The following PPP3CC variants were observed in gnomAD, a reference collection of about 807,000 sequenced individuals.
PPP3CC encodes protein phosphatase 3 catalytic subunit gamma, also known as serine/threonine-protein phosphatase 2B catalytic subunit gamma isoform.
A neutral mutation model predicts 60.3 loss-of-function variants in PPP3CC; 35 were observed. The observed-to-expected ratio is 0.58, with a 90% confidence interval of 0.44 to 0.77. The LOEUF is 0.77. Among genes scored for constraint, PPP3CC ranks in the 30% least tolerant of loss-of-function variants. PPP3CC has a pLI of 0.00. For synonymous variants in PPP3CC, 206 were observed against 224.3 expected (o/e 0.92, Z 0.73); for missense variants, 570 against 628.9 (o/e 0.91, Z 1.00).
intron 1 of PPP3CC, among the ~76,000 whole-genome samples, chr8:22,454,754 C>G (rs889975324): frequency 6.6e-6 from 1 of 152,064 alleles, no homozygotes; most frequent in African/African-American, 2.4e-5. Context: ...TGACTGTTTT[C>G]TAACTTTAGT....
At chr8:22,532,374 A>AACAGTTTT (rs1839739707) in intron 11 of PPP3CC, 68 bp downstream of exon 11, 1 of 1,364,256 alleles carries the variant, frequency 7.3e-7, no homozygotes, top group African/African-American at 1.4e-5. Context: ...TCGAATTCAG[A>AACAGTTTT]ACAGTTTTTT....
intron 1 of PPP3CC, among the ~76,000 whole-genome samples, chr8:22,469,178 CACTT>C (rs566194387): frequency 8.7e-4 from 132 of 152,234 alleles, no homozygotes; most frequent in South Asian, 5.6e-3. Context: ...AAAATAATGT[CACTT>C]ACAGCAACAT....
intron 1 of PPP3CC, among the ~76,000 whole-genome samples, chr8:22,450,695 TA>T (rs1836987030): frequency 6.6e-6 from 1 of 152,258 alleles, no homozygotes; most frequent in South Asian, 2.1e-4. Flanking sequence ...GCCTGTGGGA[TA>T]AACTCTTTGT....
intron 4 of PPP3CC, among the ~76,000 whole-genome samples, chr8:22,504,329 T>G (rs1401567899): frequency 6.6e-6 from 1 of 152,124 alleles, no homozygotes; most frequent in African/African-American, 2.4e-5. Flanking sequence ...AGAGACAGGG[T>G]CTCATTCTGT....
intron 3 of PPP3CC, among the ~76,000 whole-genome samples, chr8:22,494,733 A>G (rs1398695574): frequency 6.6e-6 from 1 of 151,752 alleles, no homozygotes; most frequent in Non-Finnish European, 1.5e-5. Context: ...ATAAGGCCAC[A>G]CTCTCCCTTC....
chr8:22,528,385 A>T (rs1839615517), intron 9 of PPP3CC, 121 bp from the exon 10 acceptor site: 3 of 494,984 alleles, frequency 6.1e-6, no homozygotes, highest in Admixed American at 4.1e-5. Flanking sequence ...TCTTACTAAC[A>T]TAATGATAAA....
intron 1 of PPP3CC, among the ~76,000 whole-genome samples, chr8:22,473,645 G>T (rs1417103088): frequency 1.3e-5 from 2 of 151,844 alleles, no homozygotes; most frequent in African/African-American, 4.8e-5. Flanking sequence ...TGTATTTTTA[G>T]TAAAGACAGG....
intron 1 of PPP3CC, among the ~76,000 whole-genome samples, chr8:22,460,160 T>G (rs908288030): frequency 6.6e-6 from 1 of 152,124 alleles, no homozygotes; most frequent in African/African-American, 2.4e-5. Flanking sequence ...TGGTTATTGT[T>G]TTTTGTTTTG....
chr8:22,518,423 TTTCA>T (rs1396114050), intron 6 of PPP3CC, among the ~76,000 whole-genome samples: 1 of 152,230 alleles, frequency 6.6e-6, no homozygotes, highest in Non-Finnish European at 1.5e-5. Flanking sequence ...TGATTTCTAG[TTTCA>T]TTCCATTATG....
chr8:22,504,555 C>T (rs752014457), intron 4 of PPP3CC, among the ~76,000 whole-genome samples: 13 of 152,178 alleles, frequency 8.5e-5, no homozygotes, highest in Non-Finnish European at 1.2e-4. Flanking sequence ...GCCTTAGCCT[C>T]CCAGAGTGCT....
intron 3 of PPP3CC, among the ~76,000 whole-genome samples, chr8:22,489,438 T>C (rs1838313882): frequency 6.6e-6 from 1 of 151,328 alleles, no homozygotes; most frequent in South Asian, 2.1e-4. Context: ...TGATTCAGAA[T>C]ACATCTAATG....
intron 8 of PPP3CC, among the ~76,000 whole-genome samples, chr8:22,525,687 A>G (rs1441454622): frequency 6.6e-6 from 1 of 151,570 alleles, no homozygotes; most frequent in East Asian, 1.9e-4. Flanking sequence ...CCTCCCAACT[A>G]GCTGGGACCA....
rs1839623653 is a variant in PPP3CC, at chr8:22,528,584, T to G, written c.1141+7T>G. The G allele has an allele frequency of 6.6e-7, 1 of 1,522,578 alleles. No homozygotes were observed. The highest frequency in any genetic ancestry group is 1.4e-5 in the African/African-American group (1 of 73,336). 94.3% of individuals were successfully genotyped at this position (1,522,578 alleles called of 1,614,324 possible). On this transcript the variant is annotated splice_region_variant and intron_variant, in intron 10 of 13. Transcript: ENST00000240139. ...TCTGATGATGAAGCAGAAGGTAAAC[T>G]TTTCCTCCTTTGAACTAAAACTAGA...
intron 4 of PPP3CC, among the ~76,000 whole-genome samples, chr8:22,505,018 G>A (rs893625635): frequency 6.9e-6 from 1 of 144,830 alleles, no homozygotes; most frequent in Admixed American, 7.3e-5. Flanking sequence ...TTATTTCCAC[G>A]AACCTATTTT....
At position 22,496,485 on chromosome 8, in the gene PPP3CC, C is replaced by CTTTTTTTTTTT. The variant is rs71206523; in HGVS notation, c.373-1496_373-1486dup. 2.3e-3 allele frequency among the ~76,000 whole-genome samples: 99 copies of CTTTTTTTTTTT among 43,582 alleles called. 20 individuals are homozygous for CTTTTTTTTTTT. The highest frequency in any genetic ancestry group is 7.6e-3 in the African/African-American group (83 of 10,890). The allele number at this position is 43,582 out of a possible 152,430, so 28.6% of individuals were successfully genotyped here. ...AAGTTAAATTAGGGAGAACTGTAAT[C>CTTTTTTTTTTT]TTTTTTTTTTTTTTTTTTTTTTTTT... On this transcript the variant is annotated intron_variant, in intron 3 of 13. Coordinates refer to ENST00000240139, the MANE Select transcript of PPP3CC (RefSeq NM_005605.5).
chr8:22,447,399 G>T (rs1472922761), intron 1 of PPP3CC, among the ~76,000 whole-genome samples: 1 of 151,788 alleles, frequency 6.6e-6, no homozygotes. Context: ...AGCCAGGATG[G>T]TCTCGGTCTC....
In PPP3CC at chr8:22,441,272, G is replaced by T. The variant is rs965442832; in HGVS notation, c.-138G>T. The T allele has an allele frequency of 2.0e-5, 16 of 784,830 alleles. No homozygotes were observed. In the African/African-American group the frequency reaches 2.4e-4, roughly 12 times the overall value. The allele number at this position is 784,830 out of a possible 1,614,324, so 48.6% of individuals were successfully genotyped here. Reference sequence around the variant, plus strand: ...GGTGGCCGCGCCCTTCTGGTGCTCGGACACCGCTGAGGAGCCGGGGCCGGG... The same window carrying T: ...GGTGGCCGCGCCCTTCTGGTGCTCGTACACCGCTGAGGAGCCGGGGCCGGG... On this transcript the variant is annotated 5_prime_UTR_variant, in exon 1 of 14. Coordinates refer to ENST00000240139, the MANE Select transcript of PPP3CC (RefSeq NM_005605.5).
At chr8:22,531,310 A>G in intron 10 of PPP3CC, 2 of 1,532,032 alleles carry the variant, frequency 1.3e-6, no homozygotes, top group South Asian at 2.4e-5. Context: ...AGATCACTAC[A>G]TTCCAAGCTA....
chr8:22,445,846 G>C (rs1483677966), intron 1 of PPP3CC, among the ~76,000 whole-genome samples: 1 of 152,136 alleles, frequency 6.6e-6, no homozygotes, highest in Admixed American at 6.5e-5. Context: ...TTAACAAGCT[G>C]CCAAACTTTT....
Sources: gnomAD v4.1 joint callset for allele counts (sites outside exome capture counted in the v4.1 genomes callset) on GRCh38, gnomAD v4.1.1 for gene constraint, MANE v1.5 for transcripts, NCBI Gene and HGNC (gene_info 2026-07-23, HGNC 2026-07-21) for gene names.